The following CTNND2 variants were observed in gnomAD, a reference collection of about 807,000 sequenced individuals.
CTNND2 encodes the protein catenin delta 2.
CTNND2 carries 22 observed loss-of-function variants against 144.4 expected under a neutral mutation model. That is an observed-to-expected ratio of 0.15 (90% CI 0.11 to 0.22). The LOEUF is 0.22. CTNND2 is among the 10% of genes least tolerant of loss of function. The probability of loss-of-function intolerance (pLI) is 1.00; values close to 1 mark genes in which losing one functional copy is unlikely to be tolerated. For missense variants in CTNND2, 1,353 were observed against 1,618.8 expected (o/e 0.84, Z 2.82); for synonymous variants, 751 against 695.6 (o/e 1.08, Z -1.25).
intron 2 of CTNND2, among the ~76,000 whole-genome samples, chr5:11,600,244 C>T (rs561632240): frequency 4.7e-4 from 72 of 152,104 alleles, no homozygotes; most frequent in Non-Finnish European, 1.5e-4. Context: ...ATGGGAAAAA[C>T]ATTTGCTGAC....
At position 11,847,126 on chromosome 5, in the gene CTNND2, TTTTATATATATATATATATATATATATA is replaced by T. The variant is rs1188604858; in HGVS notation, c.37+56663_37+56690del. ...GGAAATAAAATCAGTATGTCAAAGA[TTTTATATATATATATATATATATATATA>T]TATATATATATATATATATATGCAC... On this transcript the variant is annotated intron_variant, in intron 1 of 21. Transcript: ENST00000304623. 1.9e-4 allele frequency among the ~76,000 whole-genome samples: 20 copies of T among 105,486 alleles called. No homozygotes were observed. The East Asian group carries it at 2.3e-3, about 12-fold the overall frequency. The allele number at this position is 105,486 out of a possible 152,430, so 69.2% of individuals were successfully genotyped here. A position where few individuals can be genotyped will look rare whatever the true frequency, so the allele number is the denominator to read the frequency against.
chr5:11,407,275 C>T (rs1761172196), intron 5 of CTNND2, among the ~76,000 whole-genome samples: 1 of 152,128 alleles, frequency 6.6e-6, no homozygotes, highest in Non-Finnish European at 1.5e-5. Context: ...CTCCTAGTGA[C>T]TCAGTGACTA....
At chr5:11,599,590 G>C (rs10072307) in intron 2 of CTNND2, among the ~76,000 whole-genome samples, 55,828 of 151,868 alleles carry the variant, frequency 0.37, 11,166 homozygotes, top group Middle Eastern at 0.62. Flanking sequence ...GGGTTTTTTT[G>C]CTTGTTTGTT....
At chr5:11,851,562 A>G (rs1020432589) in intron 1 of CTNND2, among the ~76,000 whole-genome samples, 14 of 152,200 alleles carry the variant, frequency 9.2e-5, no homozygotes, top group African/African-American at 3.1e-4. Context: ...TCATTAACAC[A>G]GGGCCTGTTT....
intron 11 of CTNND2, among the ~76,000 whole-genome samples, chr5:11,197,727 C>T (rs1426768355): frequency 6.6e-6 from 1 of 152,120 alleles, no homozygotes; most frequent in African/African-American, 2.4e-5. Flanking sequence ...CAAATGGCAG[C>T]ACAGGATAAG....
chr5:11,121,515 T>C (rs1420361563), intron 12 of CTNND2, among the ~76,000 whole-genome samples: 1 of 152,246 alleles, frequency 6.6e-6, no homozygotes, highest in East Asian at 1.9e-4. Flanking sequence ...AGTTGCTATG[T>C]CATTGGGAAG....
intron 7 of CTNND2, among the ~76,000 whole-genome samples, chr5:11,373,543 C>T (rs1757648886): frequency 6.6e-6 from 1 of 152,172 alleles, no homozygotes; most frequent in Non-Finnish European, 1.5e-5. Flanking sequence ...ACATGCACAG[C>T]ATTTGAATGG....
At chr5:11,846,654 C>T (rs1794749535) in intron 1 of CTNND2, among the ~76,000 whole-genome samples, 1 of 152,106 alleles carries the variant, frequency 6.6e-6, no homozygotes, top group Admixed American at 6.5e-5. Flanking sequence ...AGTGAAGAGA[C>T]ACCCTACAGA....
chr5:11,455,669 T>C (rs1765673710), intron 3 of CTNND2, among the ~76,000 whole-genome samples: 1 of 152,172 alleles, frequency 6.6e-6, no homozygotes, highest in South Asian at 2.1e-4. Flanking sequence ...TGGTTTAAAA[T>C]CAATCATTTT....
At chr5:11,065,618 T>C (rs1316182771) in intron 16 of CTNND2, among the ~76,000 whole-genome samples, 1 of 152,216 alleles carries the variant, frequency 6.6e-6, no homozygotes, top group African/African-American at 2.4e-5. Context: ...AGGACTAAAC[T>C]CTGATTTTTT....
intron 10 of CTNND2, among the ~76,000 whole-genome samples, chr5:11,200,836 G>T (rs1262660146): frequency 6.6e-6 from 1 of 152,054 alleles, no homozygotes; most frequent in Admixed American, 6.6e-5. Context: ...CCGCCACCAC[G>T]CCCGGCTATT....
At chr5:11,780,918 T>C (rs1192981970) in intron 1 of CTNND2, among the ~76,000 whole-genome samples, 1 of 152,148 alleles carries the variant, frequency 6.6e-6, no homozygotes, top group African/African-American at 2.4e-5. Flanking sequence ...GAAGAATAGG[T>C]GAAGTAGCCT....
At chr5:11,708,975 T>C (rs1785873308) in intron 2 of CTNND2, among the ~76,000 whole-genome samples, 1 of 152,172 alleles carries the variant, frequency 6.6e-6, no homozygotes, top group Admixed American at 6.5e-5. Flanking sequence ...TCGCACAAAT[T>C]GTCACATGCA....
At chr5:11,128,965 A>T (rs183315296) in intron 12 of CTNND2, among the ~76,000 whole-genome samples, 353 of 28,342 alleles carry the variant, frequency 0.012, 13 homozygotes, top group Non-Finnish European at 0.019. Flanking sequence ...AAATATATAT[A>T]ATATATAATA....
At chr5:11,299,480 G>C (rs946127494) in intron 9 of CTNND2, among the ~76,000 whole-genome samples, 4 of 152,122 alleles carry the variant, frequency 2.6e-5, no homozygotes, top group African/African-American at 9.7e-5. Flanking sequence ...CAAGGAGGCA[G>C]GCTTGCATGA....
intron 3 of CTNND2, among the ~76,000 whole-genome samples, chr5:11,483,864 T>C (rs1379482054): frequency 1.3e-5 from 2 of 152,038 alleles, no homozygotes; most frequent in Non-Finnish European, 2.9e-5. Flanking sequence ...AAGAAAGAAA[T>C]GTACCAGAAT....
chr5:11,619,952 G>T (rs956728953), intron 2 of CTNND2, among the ~76,000 whole-genome samples: 5 of 152,128 alleles, frequency 3.3e-5, no homozygotes, highest in African/African-American at 9.7e-5. Context: ...TTAGTGATTA[G>T]ATATTTTCAA....
At chr5:11,567,263 G>A (rs1044771718) in intron 2 of CTNND2, among the ~76,000 whole-genome samples, 1 of 151,790 alleles carries the variant, frequency 6.6e-6, no homozygotes, top group Non-Finnish European at 1.5e-5. Context: ...ATTTTTCTCT[G>A]CTTTTAAGAT....
chr5:11,399,368 G>A (rs1302577351), intron 5 of CTNND2, among the ~76,000 whole-genome samples: 1 of 151,582 alleles, frequency 6.6e-6, no homozygotes, highest in African/African-American at 2.4e-5. Context: ...TAATTTCATG[G>A]AAGAAGTTTA....
Sources: gnomAD v4.1 joint callset for allele counts (sites outside exome capture counted in the v4.1 genomes callset) on GRCh38, gnomAD v4.1.1 for gene constraint, MANE v1.5 for transcripts, NCBI Gene and HGNC (gene_info 2026-07-23, HGNC 2026-07-21) for gene names.